TMC6: variants seen among roughly 807,000 people sequenced by gnomAD.
TMC6 encodes the protein transmembrane channel-like protein 6.
TMC6 carries 71 observed loss-of-function variants against 95.4 expected under a neutral mutation model. That is an observed-to-expected ratio of 0.74 (90% CI 0.61 to 0.91). TMC6 has a LOEUF of 0.91. TMC6 is among the 40% of genes least tolerant of loss of function. The pLI, the probability that TMC6 is intolerant of heterozygous loss-of-function variation, is 0.00. For missense variants in TMC6, 1,074 were observed against 1,079.1 expected (o/e 1.00, Z 0.07); for synonymous variants, 514 against 483.1 (o/e 1.06, Z -0.84).
In TMC6 at chr17:78,111,822, G is replaced by A. The variant is rs1395669574; in HGVS notation, c.*1326C>T. On this transcript the variant is annotated 3_prime_UTR_variant, in exon 20 of 20. Coordinates refer to ENST00000590602, the MANE Select transcript of TMC6 (RefSeq NM_001127198.5). ...CCTGGGTTCATTCCCCCAATCCCAA[G>A]CGCAGCTCCTGCAGGCCTGGAGCCC... 2.5e-5 allele frequency: 5 copies of A among 203,254 alleles called. No individual in the cohort carries two copies. The highest frequency in any genetic ancestry group is 5.1e-5 in the Non-Finnish European group (5 of 97,440). The allele number at this position is 203,254 out of a possible 1,614,324, so 12.6% of individuals were successfully genotyped here.
intron 18 of TMC6, among the ~76,000 whole-genome samples, chr17:78,116,813 G>C (rs2074141385): frequency 6.6e-6 from 1 of 152,182 alleles, no homozygotes; most frequent in African/African-American, 2.4e-5. Flanking sequence ...CCAGGAGGCA[G>C]AGGTTGCAGT....
At chr17:78,131,842 C>A, upstream of TMC6, 1 of 1,386,398 alleles carries the variant, frequency 7.2e-7, no homozygotes, top group Non-Finnish European at 9.5e-7. Flanking sequence ...GTGGGCAGGG[C>A]GGGTGACTCA....
chr17:78,113,495 G>A, intron 19 of TMC6, 53 bp downstream of exon 19: 1 of 1,594,888 alleles, frequency 6.3e-7, no homozygotes, highest in Non-Finnish European at 8.6e-7. Flanking sequence ...TCCAGCCCTG[G>A]CCCCTCTCCC....
Position 78,124,728 on chromosome 17 carries a change from C to T in TMC6, c.687G>A (p.Pro229=), listed in dbSNP as rs369185930. ...ALLSALQALM[P]WRYALKRIGG... is the part of the protein sequence containing the mutation. ...CGATGCGCTTCAGGGCGTAGCGCCA[C>T]GGCATCAGGGCCTGCAGGGCGGAGA... is the stretch of plus-strand genomic sequence containing the variant. Residue 229 remains proline (P), a synonymous_variant, in exon 8 of 20, where the codon CCG becomes CCA. Transcript: ENST00000590602. 5.1e-4 allele frequency: 815 copies of T among 1,590,632 alleles called. No individual in the cohort carries two copies. Among genetic ancestry groups the T allele is most frequent in the Non-Finnish European group, 6.5e-4 (763 of 1,169,124 alleles).
upstream of TMC6, chr17:78,130,753 A>C (rs2074942995): frequency 6.6e-6 from 1 of 152,304 alleles, no homozygotes; most frequent in South Asian, 2.1e-4. Context: ...GTTTCCTGTC[A>C]TATGACCCCT....
At position 78,125,062 on chromosome 17, in the gene TMC6, C is replaced by G; in HGVS notation, c.537-77G>C. The G allele has an allele frequency of 2.6e-6, 4 of 1,540,226 alleles. No individual in the cohort carries two copies. The South Asian group carries it at 4.7e-5, about 18-fold the overall frequency. ...CTCCTTCCTGGAGACCGGCCACCCA[C>G]GGGCTCAGCCCCTTCTCCCCCACCA... On this transcript the variant is annotated intron_variant, in intron 6 of 19. Coordinates refer to ENST00000590602, the MANE Select transcript of TMC6 (RefSeq NM_001127198.5).
chr17:78,115,350 C>T (rs1567982177), intron 18 of TMC6, among the ~76,000 whole-genome samples: 1 of 152,176 alleles, frequency 6.6e-6, no homozygotes, highest in African/African-American at 2.4e-5. Context: ...GTGGAGCATG[C>T]CTAAGGACAC....
intron 18 of TMC6, 172 bp from the exon 19 acceptor site, chr17:78,113,796 A>G: frequency 1.4e-6 from 1 of 692,378 alleles, no homozygotes; most frequent in Non-Finnish European, 2.5e-6. Flanking sequence ...AGGAAAAACC[A>G]AGAGCCAGGA....
At chr17:78,115,996 TCTG>T (rs1184238396) in intron 18 of TMC6, among the ~76,000 whole-genome samples, 3 of 151,934 alleles carry the variant, frequency 2.0e-5, no homozygotes, top group Non-Finnish European at 1.5e-5. Context: ...CCGACCCCCT[TCTG>T]CAACTCACTC....
upstream of TMC6, chr17:78,131,577 G>C: frequency 6.5e-7 from 1 of 1,542,632 alleles, no homozygotes; most frequent in South Asian, 1.2e-5. Flanking sequence ...GCCTCTACCC[G>C]TGCCCGCCGA....
Position 78,112,018 on chromosome 17 carries a change from C to G in TMC6, c.*1130G>C. On this transcript the variant is annotated 3_prime_UTR_variant, in exon 20 of 20. Transcript: ENST00000590602. ...CTGGAGCACAGGCTGACGGGCTGGT[C>G]CCCACAGACCTGGAGCACTGGGGTC... 1 of 230,962 alleles carries G rather than the reference C, an allele frequency of 4.3e-6. No individual in the cohort carries two copies. Among genetic ancestry groups the G allele is most frequent in the South Asian group, 3.6e-5 (1 of 27,900 alleles). 14.3% of individuals were successfully genotyped at this position (230,962 alleles called of 1,614,324 possible).
upstream of TMC6, among the ~76,000 whole-genome samples, chr17:78,130,037 C>T (rs542093458): frequency 3.3e-5 from 5 of 152,310 alleles, no homozygotes; most frequent in East Asian, 9.6e-4. Flanking sequence ...CCTGAGATGA[C>T]TGGGCCCTAT....
chr17:78,118,850 G>A (rs1027913725), intron 15 of TMC6, 121 bp downstream of exon 15: 13 of 1,157,880 alleles, frequency 1.1e-5, no homozygotes, highest in Admixed American at 2.0e-5. Context: ...GCCCCGAGCC[G>A]CCAGCCCCAC....
intron 18 of TMC6, among the ~76,000 whole-genome samples, chr17:78,117,030 C>T (rs1396638072): frequency 6.6e-6 from 1 of 152,280 alleles, no homozygotes; most frequent in South Asian, 2.1e-4. Context: ...ACCCCACCCC[C>T]CAGAGCCCTG....
Position 78,128,221 on chromosome 17 carries a change from A to G in TMC6, c.-75+391T>C, listed in dbSNP as rs2074835635. Among the ~76,000 whole-genome samples the G allele has an allele frequency of 6.6e-6, 1 of 152,002 alleles. No individual in the cohort carries two copies. Among genetic ancestry groups the G allele is most frequent in the South Asian group, 2.1e-4 (1 of 4,828 alleles). On this transcript the variant is annotated intron_variant, in intron 1 of 19. Coordinates refer to ENST00000590602, the MANE Select transcript of TMC6 (RefSeq NM_001127198.5). This position sits in a 1 kb window ranked among gnomAD's most constrained non-coding sequence, Gnocchi z 4.0. ...AGCGAGCTTCCCGGGAGCAGCCGCT[A>G]CCCAGGGAGAACCGCAACCTGGCCC...
intron 13 of TMC6, chr17:78,120,425 G>A: frequency 1.5e-6 from 1 of 659,580 alleles, no homozygotes; most frequent in Non-Finnish European, 2.7e-6. Context: ...CTCCCAAAGT[G>A]CTGGGATTAC....
chr17:78,114,095 C>T (rs1949529547), intron 18 of TMC6: 2 of 292,750 alleles, frequency 6.8e-6, no homozygotes, highest in South Asian at 6.3e-5. Context: ...GTGAGAAGTC[C>T]AAAATGAGTC....
rs1281522100 is a variant in TMC6, at chr17:78,121,083, G to A, written c.1465C>T (p.Leu489=). The part of the protein sequence containing the change: ...VGLLNLGAPY[L]CRVLAALEPH... ...TCCAGGGCGGCCAGGACACGGCACA[G>A]GTAGGGGGCCCCCAGGTTGAGGAGG... Residue 489 remains leucine, a synonymous_variant, in exon 12 of 20, where the codon CTG becomes TTG. Transcript: ENST00000590602. The surrounding 1 kb of genome is among the most constrained non-coding windows in gnomAD (Gnocchi z 5.6). The A allele has an allele frequency of 5.6e-6, 9 of 1,612,974 alleles. No individual in the cohort carries two copies. The East Asian group carries it at 2.0e-4, about 36-fold the overall frequency.
chr17:78,115,289 C>T (rs1361192776), intron 18 of TMC6, among the ~76,000 whole-genome samples: 1 of 152,240 alleles, frequency 6.6e-6, no homozygotes, highest in East Asian at 1.9e-4. Context: ...CCTGCCCTCG[C>T]CTTGGCAGAC....
Sources: allele counts gnomAD v4.1 joint callset (sites outside exome capture counted in the v4.1 genomes callset), GRCh38; gene constraint gnomAD v4.1.1; non-coding constraint Gnocchi (gnomAD v3.1); transcripts MANE v1.5; gene names NCBI Gene and HGNC (gene_info 2026-07-23, HGNC 2026-07-21).